The following NEK10 variants were observed in gnomAD, a reference collection of about 807,000 sequenced individuals.
NEK10 encodes serine/threonine-protein kinase Nek10.
A neutral mutation model predicts 159.8 loss-of-function variants in NEK10; 122 were observed. The observed-to-expected ratio is 0.76, with a 90% CI of 0.66 to 0.89. The LOEUF (loss-of-function observed/expected upper bound fraction) is 0.89, where lower values mean the gene tolerates loss of function less well. Ranked by LOEUF, NEK10 falls within the 40% of genes least tolerant of loss-of-function variation. NEK10 has a pLI of 0.00. For synonymous variants in NEK10, 466 were observed against 457.1 expected (o/e 1.02, Z -0.25); for missense variants, 1,342 against 1,323.1 (o/e 1.01, Z -0.22).
chr3:27,200,116 T>A (rs994673842), intron 25 of NEK10, among the ~76,000 whole-genome samples: 5 of 152,070 alleles, frequency 3.3e-5, no homozygotes, highest in South Asian at 2.1e-4. Context: ...TTAAAAATTT[T>A]AAAAAAATCA....
At chr3:27,237,112 T>C (rs1392422399) in intron 23 of NEK10, among the ~76,000 whole-genome samples, 11 of 152,194 alleles carry the variant, frequency 7.2e-5, no homozygotes, top group African/African-American at 2.2e-4. Context: ...CATGTCTGTT[T>C]ATAGGCTCTC....
chr3:27,310,831 G>C, intron 9 of NEK10, 118 bp downstream of exon 9: 1 of 597,320 alleles, frequency 1.7e-6, no homozygotes, highest in South Asian at 2.4e-5. Flanking sequence ...TCTCAGGCCA[G>C]GCTGGTAGGT....
At chr3:27,325,587 A>AGGAAGTCAGTTAGTC (rs1462590802) in intron 5 of NEK10, among the ~76,000 whole-genome samples, 1 of 152,028 alleles carries the variant, frequency 6.6e-6, no homozygotes, top group African/African-American at 2.4e-5. Context: ...CAAAGTTAGG[A>AGGAAGTCAGTTAGTC]TGAACATTTG....
chr3:27,116,496 AGGCTAAGAAG>A (rs1940458411), intron 33 of NEK10, among the ~76,000 whole-genome samples: 1 of 152,142 alleles, frequency 6.6e-6, no homozygotes, highest in African/African-American at 2.4e-5. Context: ...CCTAATCTAC[AGGCTAAGAAG>A]AATAAATATA....
intron 1 of NEK10, among the ~76,000 whole-genome samples, chr3:27,365,595 G>GGGT (rs1559571044): frequency 1.1e-5 from 1 of 92,372 alleles, no homozygotes; most frequent in African/African-American, 3.8e-5. Context: ...TTGGTTTTTT[G>GGGT]TGTTTTTTTT....
At chr3:27,233,172 A>G (rs1292053355) in intron 23 of NEK10, among the ~76,000 whole-genome samples, 1 of 152,168 alleles carries the variant, frequency 6.6e-6, no homozygotes, top group Non-Finnish European at 1.5e-5. Context: ...ACAATCTACA[A>G]GGAACTCAAA....
intron 26 of NEK10, among the ~76,000 whole-genome samples, chr3:27,189,552 G>T (rs1480694494): frequency 1.3e-5 from 2 of 151,938 alleles, no homozygotes; most frequent in African/African-American, 4.8e-5. Context: ...TCTGAAATGA[G>T]ATAATCATAA....
intron 26 of NEK10, among the ~76,000 whole-genome samples, chr3:27,183,649 A>G (rs1459321423): frequency 5.3e-5 from 8 of 152,106 alleles, no homozygotes; most frequent in African/African-American, 1.7e-4. Flanking sequence ...CAGGCAAGCC[A>G]TAGACTATAC....
intron 1 of NEK10, among the ~76,000 whole-genome samples, chr3:27,358,092 C>A (rs778189820): frequency 8.5e-5 from 13 of 152,172 alleles, no homozygotes; most frequent in Non-Finnish European, 1.8e-4. Flanking sequence ...AAACTTTTGG[C>A]CTTATCTGTA....
chr3:27,141,779 T>A (rs1468494102), intron 30 of NEK10, among the ~76,000 whole-genome samples, 197 bp from the exon 31 acceptor site: 1 of 152,192 alleles, frequency 6.6e-6, no homozygotes, highest in African/African-American at 2.4e-5. Flanking sequence ...CTCAGACTTC[T>A]AAGTAACACA....
chr3:27,208,707 T>C (rs1038412589), intron 23 of NEK10, among the ~76,000 whole-genome samples: 2 of 152,208 alleles, frequency 1.3e-5, no homozygotes, highest in African/African-American at 4.8e-5. Context: ...GGAGCAGATG[T>C]GCAGGAAGAA....
At chr3:27,279,943 GCGGA>G (rs1303657787) in intron 22 of NEK10, among the ~76,000 whole-genome samples, 2 of 152,082 alleles carry the variant, frequency 1.3e-5, no homozygotes, top group Non-Finnish European at 2.9e-5. Flanking sequence ...GCCGAGGCGG[GCGGA>G]TCATGAGGTC....
chr3:27,317,860 T>C (rs1372579469), intron 6 of NEK10, among the ~76,000 whole-genome samples: 2 of 152,170 alleles, frequency 1.3e-5, no homozygotes, highest in African/African-American at 2.4e-5. Context: ...TGGAGTGCAG[T>C]GGCGCGATCT....
chr3:27,292,221 T>A (rs915210963), intron 16 of NEK10, among the ~76,000 whole-genome samples: 5 of 152,174 alleles, frequency 3.3e-5, no homozygotes, highest in Admixed American at 3.3e-4. Flanking sequence ...TAAAATTAGA[T>A]ATGATACAGA....
intron 22 of NEK10, among the ~76,000 whole-genome samples, chr3:27,280,751 A>G (rs2042094828): frequency 6.6e-6 from 1 of 152,162 alleles, no homozygotes; most frequent in South Asian, 2.1e-4. Context: ...TGCCTTCCTC[A>G]AAATTATTAG....
At chr3:27,347,988 A>G (rs988717324) in intron 3 of NEK10, among the ~76,000 whole-genome samples, 8 of 152,204 alleles carry the variant, frequency 5.3e-5, no homozygotes, top group Admixed American at 2.6e-4. Flanking sequence ...TGTCAAGCAT[A>G]GTTCTAATTG....
At chr3:27,183,268 A>T (rs1011020326) in intron 26 of NEK10, among the ~76,000 whole-genome samples, 2 of 151,600 alleles carry the variant, frequency 1.3e-5, no homozygotes, top group Admixed American at 6.6e-5. Context: ...ATAAACAAAA[A>T]AGAAAAAAGT....
chr3:27,222,795 T>C (rs920900722), intron 23 of NEK10, among the ~76,000 whole-genome samples: 7 of 152,126 alleles, frequency 4.6e-5, no homozygotes, highest in Admixed American at 1.3e-4. Context: ...AATATTTTAA[T>C]AGTTCAGCTG....
intron 23 of NEK10, among the ~76,000 whole-genome samples, chr3:27,208,087 T>C (rs1950674684): frequency 6.6e-6 from 1 of 152,172 alleles, no homozygotes; most frequent in Admixed American, 6.6e-5. Context: ...TTTGTGTGCA[T>C]GTCCATGGAT....
Sources: allele counts gnomAD v4.1 joint callset (sites outside exome capture counted in the v4.1 genomes callset), GRCh38; gene constraint gnomAD v4.1.1; transcripts MANE v1.5; gene names NCBI Gene and HGNC (gene_info 2026-07-23, HGNC 2026-07-21).